CCDC85A: variants seen among roughly 807,000 people sequenced by gnomAD.
CCDC85A encodes coiled-coil domain-containing protein 85A.
A neutral mutation model predicts 50.2 loss-of-function variants in CCDC85A; 38 were observed. The ratio of observed to expected loss-of-function variants is 0.76; its 90% confidence interval spans 0.58 to 0.99. The LOEUF (loss-of-function observed/expected upper bound fraction) is 0.99. Ranked by LOEUF, CCDC85A falls within the 50% of genes least tolerant of loss-of-function variation. CCDC85A has a pLI of 0.00. For missense variants in CCDC85A, 820 were observed against 742.0 expected, an observed-to-expected ratio of 1.11 and a Z score of -1.22; for synonymous variants, 366 against 301.4, an observed-to-expected ratio of 1.21 and a Z score of -2.22.
chr2:56,189,542 C>T (rs762777225), intron 1 of CCDC85A, among the ~76,000 whole-genome samples: 5 of 152,066 alleles, frequency 3.3e-5, no homozygotes, highest in Admixed American at 2.6e-4. Flanking sequence ...CTGCCCACCT[C>T]GGCCTCCCAA....
chr2:56,220,993 C>T (rs1668301621), intron 2 of CCDC85A, among the ~76,000 whole-genome samples: 1 of 151,980 alleles, frequency 6.6e-6, no homozygotes, highest in South Asian at 2.1e-4. Flanking sequence ...CCACATTTGG[C>T]CCACTGGATT....
At chr2:56,205,580 TA>T (rs1282526560) in intron 2 of CCDC85A, among the ~76,000 whole-genome samples, 7 of 152,114 alleles carry the variant, frequency 4.6e-5, no homozygotes, top group Admixed American at 3.9e-4. Flanking sequence ...AACAACATGG[TA>T]AAAGAAACAT....
chr2:56,262,289 T>C (rs1162958110), intron 2 of CCDC85A, among the ~76,000 whole-genome samples: 1 of 148,166 alleles, frequency 6.7e-6, no homozygotes, highest in Non-Finnish European at 1.5e-5. Flanking sequence ...TTTCTCATTG[T>C]TATTTTAGTA....
intron 2 of CCDC85A, among the ~76,000 whole-genome samples, chr2:56,290,628 A>T (rs74896459): frequency 0.02 from 3,032 of 152,274 alleles, 63 homozygotes; most frequent in Non-Finnish European, 0.032. Flanking sequence ...GAAATTATGT[A>T]ATCAAAACCC....
At chr2:56,309,788 G>C (rs1573226573) in intron 2 of CCDC85A, among the ~76,000 whole-genome samples, 1 of 152,120 alleles carries the variant, frequency 6.6e-6, no homozygotes. Context: ...ACATTTGAAT[G>C]CTTCTGAGAA....
rs183013947 is a variant in CCDC85A, at chr2:56,342,676, C to A, written c.1241-203C>A. 3.8e-3 allele frequency among the ~76,000 whole-genome samples: 574 copies of A among 152,246 alleles called. 3 individuals carry two copies. The highest frequency in any genetic ancestry group is 0.013 in the African/African-American group (547 of 41,550). ...CCAGTCTGTGTCTTATCTAATATTT[C>A]TTAACGTTGTAAAATTGTTCAAAAC... On this transcript the variant is annotated intron_variant, in intron 2 of 5. Transcript: ENST00000407595.
chr2:56,285,101 CT>C (rs1296011376), intron 2 of CCDC85A, among the ~76,000 whole-genome samples: 2,210 of 144,878 alleles, frequency 0.015, 53 homozygotes, highest in African/African-American at 0.051. Flanking sequence ...TCTTTTCTTT[CT>C]TTTTTTTTTT....
At chr2:56,364,701 G>C (rs1415927562) in intron 3 of CCDC85A, among the ~76,000 whole-genome samples, 7 of 152,274 alleles carry the variant, frequency 4.6e-5, no homozygotes, top group African/African-American at 1.7e-4. Flanking sequence ...TACCTAACCA[G>C]AAAGTTGATA....
intron 2 of CCDC85A, among the ~76,000 whole-genome samples, chr2:56,330,019 A>G (rs1397631645): frequency 6.4e-5 from 8 of 124,476 alleles, no homozygotes; most frequent in African/African-American, 2.5e-4. Context: ...GACAATACCG[A>G]CTAGATGCAC....
At chr2:56,330,228 G>C (rs1325477967) in intron 2 of CCDC85A, among the ~76,000 whole-genome samples, 1 of 152,052 alleles carries the variant, frequency 6.6e-6, no homozygotes, top group African/African-American at 2.4e-5. Flanking sequence ...GCTCTTCAGA[G>C]ATTGAAATAT....
intron 2 of CCDC85A, among the ~76,000 whole-genome samples, chr2:56,313,764 G>T (rs1672797658): frequency 6.7e-6 from 1 of 149,898 alleles, no homozygotes; most frequent in Non-Finnish European, 1.5e-5. Context: ...TGTTGCCTGT[G>T]GCAACAAATA....
chr2:56,330,605 A>C (rs1043683742), intron 2 of CCDC85A, among the ~76,000 whole-genome samples: 1 of 152,154 alleles, frequency 6.6e-6, no homozygotes, highest in African/African-American at 2.4e-5. Context: ...TGTAAGGCAA[A>C]GTTTCACCAT....
chr2:56,362,996 A>G (rs866254413), intron 3 of CCDC85A, among the ~76,000 whole-genome samples: 2 of 152,086 alleles, frequency 1.3e-5, no homozygotes, highest in Non-Finnish European at 2.9e-5. Flanking sequence ...CTTTGCAAAG[A>G]TGTTTTATAT....
At chr2:56,285,677 A>G (rs1017654654) in intron 2 of CCDC85A, among the ~76,000 whole-genome samples, 6 of 150,854 alleles carry the variant, frequency 4.0e-5, no homozygotes, top group African/African-American at 1.2e-4. Context: ...TATGTCATAT[A>G]TTTTACTTCT....
chr2:56,321,714 G>T (rs1427275939), intron 2 of CCDC85A, among the ~76,000 whole-genome samples: 2 of 152,074 alleles, frequency 1.3e-5, no homozygotes, highest in East Asian at 1.9e-4. Context: ...ATGGCCATAT[G>T]GCCCAAGGTA....
chr2:56,227,814 C>T (rs183156552), intron 2 of CCDC85A, among the ~76,000 whole-genome samples: 19 of 152,236 alleles, frequency 1.2e-4, no homozygotes, highest in African/African-American at 4.1e-4. Context: ...GCCTCTGAGG[C>T]CAGTTTCACA....
intron 2 of CCDC85A, among the ~76,000 whole-genome samples, chr2:56,331,886 A>T (rs1476911225): frequency 6.6e-6 from 1 of 152,058 alleles, no homozygotes; most frequent in African/African-American, 2.4e-5. Context: ...AAAATTTTAG[A>T]TTTTTCTCTT....
At chr2:56,376,766 C>A (rs1676356508) in intron 5 of CCDC85A, among the ~76,000 whole-genome samples, 1 of 152,186 alleles carries the variant, frequency 6.6e-6, no homozygotes, top group African/African-American at 2.4e-5. Flanking sequence ...TCTAACAAAT[C>A]TATCTATAAT....
At chr2:56,340,741 T>G (rs1194429910) in intron 2 of CCDC85A, among the ~76,000 whole-genome samples, 2 of 151,892 alleles carry the variant, frequency 1.3e-5, no homozygotes, top group South Asian at 2.1e-4. Flanking sequence ...CCAGGCGTGG[T>G]GGCACATGCC....
Sources: gnomAD v4.1 joint callset for allele counts (sites outside exome capture counted in the v4.1 genomes callset) on GRCh38, gnomAD v4.1.1 for gene constraint, MANE v1.5 for transcripts, NCBI Gene and HGNC (gene_info 2026-07-23, HGNC 2026-07-21) for gene names.